Variants in CADPS2 observed in about 807,000 individuals in gnomAD.
The protein encoded by CADPS2 is calcium-dependent secretion activator 2.
A neutral mutation model predicts 172.5 loss-of-function variants in CADPS2; 93 were observed. That is an observed-to-expected ratio of 0.54 (90% CI 0.46 to 0.64). CADPS2 has a LOEUF of 0.64. CADPS2 is among the 30% of genes least tolerant of loss of function. CADPS2 has a pLI of 0.00. For synonymous variants in CADPS2, 546 were observed against 555.2 expected (o/e 0.98, Z 0.23); for missense variants, 1,420 against 1,565.9 (o/e 0.91, Z 1.57).
rs567045107 is a variant in CADPS2 at position 122,454,991 on chromosome 7, T to C, written c.2187-3516A>G. Among the ~76,000 whole-genome samples, 12 of 152,278 alleles carry C rather than the reference T, an allele frequency of 7.9e-5. No individual in the cohort carries two copies. The South Asian group carries it at 2.5e-3, about 32-fold the overall frequency. Reference sequence around the variant, plus strand: ...ACACTACTCCGAGCCTCTTCAACCATCAGTCATTATGACAGTATTCCTTGA... The same window carrying C: ...ACACTACTCCGAGCCTCTTCAACCACCAGTCATTATGACAGTATTCCTTGA... On this transcript the variant is annotated intron_variant, in intron 14 of 29. Transcript: ENST00000449022.
chr7:122,647,374 T>A (rs1407498659), intron 3 of CADPS2, among the ~76,000 whole-genome samples: 2 of 152,198 alleles, frequency 1.3e-5, no homozygotes, highest in African/African-American at 2.4e-5. Flanking sequence ...CCATTGTTCA[T>A]AGACTGAGAT....
intron 8 of CADPS2, among the ~76,000 whole-genome samples, chr7:122,520,835 T>C (rs1371217266): frequency 6.6e-6 from 1 of 152,120 alleles, no homozygotes; most frequent in Non-Finnish European, 1.5e-5. Flanking sequence ...TTGCACTCAG[T>C]CCATGCTGTG....
intron 3 of CADPS2, among the ~76,000 whole-genome samples, chr7:122,662,109 T>C (rs1205635324): frequency 6.6e-6 from 1 of 152,138 alleles, no homozygotes; most frequent in South Asian, 2.1e-4. Context: ...GTAACCAATA[T>C]GGATATAACA....
chr7:122,863,099 G>A (rs1446422720), intron 1 of CADPS2, among the ~76,000 whole-genome samples: 5 of 152,114 alleles, frequency 3.3e-5, no homozygotes, highest in Admixed American at 2.6e-4. Flanking sequence ...CAAGCATCCT[G>A]TATTGATAAT....
intron 1 of CADPS2, among the ~76,000 whole-genome samples, chr7:122,824,110 C>T (rs1804174450): frequency 1.3e-5 from 2 of 152,108 alleles, no homozygotes; most frequent in Non-Finnish European, 2.9e-5. Context: ...AAAATTATCA[C>T]CCAACATTTA....
intron 3 of CADPS2, among the ~76,000 whole-genome samples, chr7:122,634,961 G>C (rs2076922627): frequency 6.6e-6 from 1 of 152,154 alleles, no homozygotes; most frequent in African/African-American, 2.4e-5. Context: ...ATATAGGTCT[G>C]AGAGATCTTC....
chr7:122,734,727 T>C (rs2092018865), intron 2 of CADPS2, among the ~76,000 whole-genome samples: 1 of 152,104 alleles, frequency 6.6e-6, no homozygotes, highest in Non-Finnish European at 1.5e-5. Flanking sequence ...ACTAAATTTA[T>C]TTATTCATTC....
At chr7:122,658,694 G>A (rs958223158) in intron 3 of CADPS2, among the ~76,000 whole-genome samples, 4 of 152,106 alleles carry the variant, frequency 2.6e-5, no homozygotes, top group African/African-American at 4.8e-5. Flanking sequence ...ATGAGAACAC[G>A]TGGACACAGG....
At chr7:122,464,835 G>GA (rs947543175) in intron 14 of CADPS2, among the ~76,000 whole-genome samples, 2 of 152,068 alleles carry the variant, frequency 1.3e-5, no homozygotes, top group Non-Finnish European at 2.9e-5. Context: ...TCTTGGAGCA[G>GA]AAAAAAGGAC....
intron 1 of CADPS2, among the ~76,000 whole-genome samples, chr7:122,827,133 G>A (rs77531465): frequency 6.6e-6 from 1 of 152,036 alleles, no homozygotes; most frequent in African/African-American, 2.4e-5. Context: ...AAATATGAGA[G>A]ACTACTATGA....
At chr7:122,629,513 A>G (rs1272925703) in intron 3 of CADPS2, among the ~76,000 whole-genome samples, 185 bp from the exon 4 acceptor site, 1 of 152,140 alleles carries the variant, frequency 6.6e-6, no homozygotes, top group African/African-American at 2.4e-5. Flanking sequence ...CAGACCAGAT[A>G]AATTTCTTGG....
intron 2 of CADPS2, among the ~76,000 whole-genome samples, chr7:122,705,969 A>AATATATAAC (rs796594559): frequency 2.7e-4 from 1 of 3,678 alleles, no homozygotes; most frequent in Non-Finnish European, 9.1e-4. Context: ...TATATAATAT[A>AATATATAAC]ATATAATATA....
At chr7:122,340,432 T>G (rs2036596976) in intron 28 of CADPS2, among the ~76,000 whole-genome samples, 1 of 152,050 alleles carries the variant, frequency 6.6e-6, no homozygotes, top group East Asian at 1.9e-4. Flanking sequence ...GTTTAGAGAG[T>G]TAGGTAGGTT....
intron 1 of CADPS2, among the ~76,000 whole-genome samples, chr7:122,740,915 C>T (rs955090735): frequency 1.3e-5 from 2 of 151,940 alleles, no homozygotes; most frequent in Non-Finnish European, 2.9e-5. Context: ...AAAAAGAATA[C>T]AAATTAAAAC....
chr7:122,338,394 A>G (rs1399796894), intron 28 of CADPS2, among the ~76,000 whole-genome samples: 1 of 152,158 alleles, frequency 6.6e-6, no homozygotes. Flanking sequence ...ACTCTGTCTC[A>G]GAAAAAAACA....
intron 20 of CADPS2, among the ~76,000 whole-genome samples, chr7:122,396,792 CTGCTGACATATTTCT>C (rs574931880): frequency 1.3e-5 from 2 of 152,280 alleles, no homozygotes; most frequent in South Asian, 2.1e-4. Flanking sequence ...TGGTCTTCTC[CTGCTGACATATTTCT>C]TGCTGACATA....
chr7:122,702,070 T>A, intron 2 of CADPS2: 1 of 1,613,652 alleles, frequency 6.2e-7, no homozygotes, highest in Non-Finnish European at 8.5e-7. Flanking sequence ...CTGTCTTTAT[T>A]TGACTTCGCC....
Position 122,702,652 on chromosome 7 carries a change from G to GT in CADPS2, c.453+34302dup, listed in dbSNP as rs757979544. The GT allele has an allele frequency of 1.9e-6, 3 of 1,613,244 alleles. No individual in the cohort carries two copies. The Admixed American group carries it at 5.0e-5, about 27-fold the overall frequency. ...GGTGAGCTGTCCAAATGGCTTTTCC[G>GT]TTTGAGTCAGGAAAGCTAAGTAGTA... On this transcript the variant is annotated intron_variant, in intron 2 of 29. Transcript: ENST00000449022.
At chr7:122,799,895 A>G (rs1172702642) in intron 1 of CADPS2, among the ~76,000 whole-genome samples, 1 of 152,170 alleles carries the variant, frequency 6.6e-6, no homozygotes. Flanking sequence ...CTGAAACTCA[A>G]ATCAGGTGGT....
Sources: gnomAD v4.1 joint callset for allele counts (sites outside exome capture counted in the v4.1 genomes callset) on GRCh38, gnomAD v4.1.1 for gene constraint, MANE v1.5 for transcripts, NCBI Gene and HGNC (gene_info 2026-07-23, HGNC 2026-07-21) for gene names.